Variants in PPIG observed in about 807,000 individuals in gnomAD.
PPIG encodes the protein peptidylprolyl isomerase G, also known as peptidyl-prolyl cis-trans isomerase G.
PPIG carries 26 observed loss-of-function variants against 87.9 expected under a neutral mutation model. That is an observed-to-expected ratio of 0.30 (90% confidence interval 0.22 to 0.41). The LOEUF (loss-of-function observed/expected upper bound fraction) is 0.41, where lower values mean the gene tolerates loss of function less well. Ranked by LOEUF, PPIG falls within the 10% of genes least tolerant of loss-of-function variation. The pLI, the probability that PPIG is intolerant of heterozygous loss-of-function variation, is 1.00. For synonymous variants in PPIG, 308 were observed against 276.5 expected (o/e 1.11, Z -1.13); for missense variants, 722 against 879.4 (o/e 0.82, Z 2.26).
intron 10 of PPIG, 119 bp downstream of exon 10, chr2:169,631,106 G>A (rs749155560): frequency 5.1e-5 from 49 of 955,480 alleles, no homozygotes; most frequent in Non-Finnish European, 6.2e-5. Flanking sequence ...AGCATGGAGC[G>A]TAGGACTTTT....
At chr2:169,608,414 A>C (rs1685391628) in intron 6 of PPIG, among the ~76,000 whole-genome samples, 1 of 151,876 alleles carries the variant, frequency 6.6e-6, no homozygotes, top group African/African-American at 2.4e-5. Flanking sequence ...GCGTGAACCC[A>C]GGAGGTGGAG....
chr2:169,591,261 A>T (rs926827045), intron 1 of PPIG, among the ~76,000 whole-genome samples: 3 of 152,128 alleles, frequency 2.0e-5, no homozygotes, highest in Admixed American at 6.5e-5. Flanking sequence ...ACAAGGATAA[A>T]TTTTTTTACA....
chr2:169,599,578 C>A (rs1340795547), intron 1 of PPIG, among the ~76,000 whole-genome samples: 1 of 152,036 alleles, frequency 6.6e-6, no homozygotes, highest in Non-Finnish European at 1.5e-5. Flanking sequence ...ATTCAAGATT[C>A]TTGGCCTGTA....
At chr2:169,584,564 C>G (rs1684645385) in intron 1 of PPIG, 74 bp downstream of exon 1, 1 of 459,540 alleles carries the variant, frequency 2.2e-6, no homozygotes, top group Non-Finnish European at 4.5e-6. Flanking sequence ...CGGGAAGGGC[C>G]TGGGAAGAGG....
intron 1 of PPIG, among the ~76,000 whole-genome samples, chr2:169,594,625 C>CTTTTTTTT (rs61375406): frequency 8.7e-5 from 10 of 114,614 alleles, no homozygotes; most frequent in African/African-American, 2.1e-4. Context: ...TCTTTCTTTT[C>CTTTTTTTT]TTTTTTTTTT....
intron 1 of PPIG, among the ~76,000 whole-genome samples, chr2:169,590,238 C>G (rs1298516684): frequency 2.0e-5 from 3 of 152,064 alleles, no homozygotes; most frequent in Non-Finnish European, 2.9e-5. Flanking sequence ...AATTAACATT[C>G]TTTTTATTTG....
intron 1 of PPIG, among the ~76,000 whole-genome samples, chr2:169,597,855 C>CTTGTTTGTTTGTTTGT (rs56851989): frequency 6.6e-6 from 1 of 150,714 alleles, no homozygotes; most frequent in South Asian, 2.1e-4. Context: ...CTGTACCTTG[C>CTTGTTTGTTTGTTTGT]TTGTTTGTTT....
chr2:169,603,506 A>ATGT (rs1479005092), intron 1 of PPIG, 136 bp from the exon 2 acceptor site: 5 of 10,946 alleles, frequency 4.6e-4, no homozygotes, highest in African/African-American at 1.5e-3. Context: ...ACAATAGTTA[A>ATGT]ATAGTATATT....
chr2:169,622,011 C>A (rs1685768259), intron 9 of PPIG, among the ~76,000 whole-genome samples: 1 of 151,786 alleles, frequency 6.6e-6, no homozygotes, highest in Non-Finnish European at 1.5e-5. Flanking sequence ...CACTTGAGCC[C>A]AGGAGTTGAA....
At chr2:169,588,104 G>A (rs1342668848) in intron 1 of PPIG, among the ~76,000 whole-genome samples, 2 of 151,958 alleles carry the variant, frequency 1.3e-5, no homozygotes, top group African/African-American at 4.8e-5. Flanking sequence ...GGTGGAGGTT[G>A]CAGTGATCCG....
At chr2:169,604,978 A>G (rs1392477712) in intron 4 of PPIG, among the ~76,000 whole-genome samples, 1 of 151,910 alleles carries the variant, frequency 6.6e-6, no homozygotes, top group African/African-American at 2.4e-5. Context: ...TGGGTGGATC[A>G]CTTGAGGTCA....
chr2:169,584,649 G>A, intron 1 of PPIG, 159 bp downstream of exon 1: 3 of 402,062 alleles, frequency 7.5e-6, no homozygotes, highest in South Asian at 5.3e-5. Context: ...TGGGCCCAGA[G>A]GAAGTCCCTG....
At chr2:169,610,140 A>G (rs770162966) in intron 7 of PPIG, among the ~76,000 whole-genome samples, 3 of 152,200 alleles carry the variant, frequency 2.0e-5, no homozygotes, top group African/African-American at 4.8e-5. Flanking sequence ...TGTCAGTACC[A>G]TGTGGATTAT....
intron 7 of PPIG, among the ~76,000 whole-genome samples, chr2:169,611,163 C>T (rs1370461439): frequency 1.3e-5 from 2 of 152,094 alleles, no homozygotes; most frequent in Non-Finnish European, 2.9e-5. Context: ...ACACTCCAGC[C>T]TGGGCTACAG....
In PPIG at chr2:169,620,665, G is replaced by A. The variant is rs367647917; in HGVS notation, c.547+5941G>A. On this transcript the variant is annotated intron_variant, in intron 9 of 13. Coordinates refer to ENST00000260970, the MANE Select transcript of PPIG (RefSeq NM_004792.3). ...ACTTAGATTCAGAAGCATCCAACAT[G>A]TTTGAGAAACTTCTTTTATTTAGAC... Among the ~76,000 whole-genome samples, 393 of 152,246 alleles carry A rather than the reference G, an allele frequency of 2.6e-3. 4 individuals are homozygous for A. Among genetic ancestry groups the A allele is most frequent in the African/African-American group, 9.0e-3 (376 of 41,576 alleles).
chr2:169,591,258 T>C (rs1317801148), intron 1 of PPIG, among the ~76,000 whole-genome samples: 1 of 152,228 alleles, frequency 6.6e-6, no homozygotes, highest in Non-Finnish European at 1.5e-5. Context: ...ACTACAAGGA[T>C]AAATTTTTTT....
Position 169,637,455 on chromosome 2 carries a change from G to T in PPIG, c.2197G>T (p.Val733Leu). The change falls in exon 14 of 14, where the codon GTA (valine) becomes TTA (leucine). Residue 733 changes from valine to leucine, a missense_variant. By Grantham distance (32) the Val-to-Leu change is conservative. Coordinates refer to ENST00000260970, the MANE Select transcript of PPIG (RefSeq NM_004792.3). The stretch of plus-strand genomic sequence containing the variant: ...ATCAAAAGGTCAAGAAAATGACCAT[G>T]TACATGAAAAAAATAAAAAATTTGA... ...QKSKGQENDH[V>L]HEKNKKFDHE... 10 of 1,606,036 alleles carry T rather than the reference G, an allele frequency of 6.2e-6. No individual in the cohort carries two copies. The highest frequency in any genetic ancestry group is 8.5e-6 in the Non-Finnish European group (10 of 1,178,262).
intron 7 of PPIG, among the ~76,000 whole-genome samples, chr2:169,610,140 A>T (rs770162966): frequency 6.6e-6 from 1 of 152,200 alleles, no homozygotes; most frequent in Non-Finnish European, 1.5e-5. Context: ...TGTCAGTACC[A>T]TGTGGATTAT....
chr2:169,616,562 T>C (rs901066675), intron 9 of PPIG, among the ~76,000 whole-genome samples: 1 of 152,186 alleles, frequency 6.6e-6, no homozygotes, highest in Non-Finnish European at 1.5e-5. Flanking sequence ...TGGTATCTCA[T>C]TGTGGTTTTG....
Sources: allele counts gnomAD v4.1 joint callset (sites outside exome capture counted in the v4.1 genomes callset), GRCh38; gene constraint gnomAD v4.1.1; transcripts MANE v1.5; gene names NCBI Gene and HGNC (gene_info 2026-07-23, HGNC 2026-07-21).